The following FAM76A variants were observed in gnomAD, a reference collection of about 807,000 sequenced individuals.
The protein encoded by FAM76A is protein FAM76A.
A neutral mutation model predicts 46.2 loss-of-function variants in FAM76A; 32 were observed. The observed-to-expected ratio is 0.69, with a 90% CI of 0.52 to 0.93. FAM76A has a LOEUF of 0.93. Among genes scored for constraint, FAM76A ranks in the 40% least tolerant of loss-of-function variants. FAM76A has a pLI of 0.00. For missense variants in FAM76A, 274 were observed against 361.5 expected, an observed-to-expected ratio of 0.76 and a Z score of 1.96; for synonymous variants, 137 against 127.0, an observed-to-expected ratio of 1.08 and a Z score of -0.53.
chr1:27,731,902 A>G (rs1571467608), intron 2 of FAM76A, among the ~76,000 whole-genome samples: 1 of 151,786 alleles, frequency 6.6e-6, no homozygotes. Flanking sequence ...GCTTACTGCA[A>G]CCTCCGCCTC....
At chr1:27,731,685 AAGG>A (rs2087960406) in intron 2 of FAM76A, among the ~76,000 whole-genome samples, 1 of 152,184 alleles carries the variant, frequency 6.6e-6, no homozygotes, top group African/African-American at 2.4e-5. Context: ...CATCCGAATT[AAGG>A]AGAATTTATT....
intron 2 of FAM76A, among the ~76,000 whole-genome samples, chr1:27,729,261 G>A (rs889268205): frequency 6.6e-5 from 10 of 151,256 alleles, no homozygotes; most frequent in African/African-American, 2.2e-4. Flanking sequence ...AAGCTGGAGT[G>A]CAGTGAGATG....
At chr1:27,739,668 G>A (rs766879309) in intron 4 of FAM76A, among the ~76,000 whole-genome samples, 1 of 152,092 alleles carries the variant, frequency 6.6e-6, no homozygotes, top group Non-Finnish European at 1.5e-5. Flanking sequence ...CACGCCTGTA[G>A]TCTCGGCTAC....
chr1:27,737,868 CAAAAAA>C (rs71571865), intron 4 of FAM76A, among the ~76,000 whole-genome samples: 57 of 62,718 alleles, frequency 9.1e-4, no homozygotes, highest in African/African-American at 1.8e-3. Flanking sequence ...ACAACAACAA[CAAAAAA>C]AAAAAAAAAA....
intron 6 of FAM76A, among the ~76,000 whole-genome samples, chr1:27,751,907 G>A (rs11247675): frequency 5.3e-5 from 8 of 151,882 alleles, no homozygotes; most frequent in Non-Finnish European, 1.0e-4. Context: ...GGACTCAAAC[G>A]ATCCTCCCAC....
intron 2 of FAM76A, among the ~76,000 whole-genome samples, chr1:27,729,925 A>G (rs1411175324): frequency 2.0e-5 from 3 of 151,778 alleles, no homozygotes; most frequent in African/African-American, 2.4e-5. Flanking sequence ...CAATCCCCAC[A>G]CCCTTGCTTC....
intron 5 of FAM76A, 60 bp downstream of exon 5, chr1:27,744,871 C>A: frequency 1.3e-6 from 2 of 1,512,934 alleles, no homozygotes; most frequent in Non-Finnish European, 9.1e-7. Context: ...GTAATGCTCA[C>A]ATAACCATCA....
At chr1:27,751,218 A>G (rs773078871) in intron 6 of FAM76A, among the ~76,000 whole-genome samples, 3 of 152,218 alleles carry the variant, frequency 2.0e-5, no homozygotes, top group Non-Finnish European at 2.9e-5. Flanking sequence ...AGTAATTTAT[A>G]ATTTGAAAAT....
At chr1:27,737,751 C>T (rs1204700514) in intron 4 of FAM76A, among the ~76,000 whole-genome samples, 1 of 151,336 alleles carries the variant, frequency 6.6e-6, no homozygotes, top group Non-Finnish European at 1.5e-5. Context: ...ACTCAGCAGG[C>T]TGAGGTGGGA....
At chr1:27,738,689 C>CT (rs747079721) in intron 4 of FAM76A, among the ~76,000 whole-genome samples, 9 of 152,212 alleles carry the variant, frequency 5.9e-5, no homozygotes, top group Non-Finnish European at 1.0e-4. Flanking sequence ...TCTCACAGAG[C>CT]TTACATTTAT....
At chr1:27,743,991 G>C (rs576658464) in intron 4 of FAM76A, among the ~76,000 whole-genome samples, 1 of 151,958 alleles carries the variant, frequency 6.6e-6, no homozygotes, top group South Asian at 2.1e-4. Context: ...TTCATCTTCT[G>C]TCTTCTCTTC....
rs2148566975 is a variant in FAM76A at position 27,732,592 on chromosome 1, T to G, written c.147-11T>G. The G allele has an allele frequency of 6.2e-7, 1 of 1,603,910 alleles. No individual in the cohort carries two copies. The highest frequency in any genetic ancestry group is 2.2e-5 in the East Asian group (1 of 44,734). On this transcript the variant is annotated splice_polypyrimidine_tract_variant and intron_variant, in intron 2 of 8. Transcript: ENST00000373954. ...TCTAAGAAAAGCCTGTGTCTCTTTC[T>G]TCCTTAACAGTAAAACCAATACAAT...
chr1:27,743,781 C>T (rs79998623), intron 4 of FAM76A, among the ~76,000 whole-genome samples: 17,879 of 150,822 alleles, frequency 0.12, 2,549 homozygotes, highest in African/African-American at 0.33. Flanking sequence ...AAAAAAAAAA[C>T]GAACACCTGA....
chr1:27,751,960 C>T (rs895604311), intron 6 of FAM76A, among the ~76,000 whole-genome samples: 3 of 152,108 alleles, frequency 2.0e-5, no homozygotes, highest in Non-Finnish European at 4.4e-5. Context: ...CATGCCTCCA[C>T]ACTCGGCTAA....
intron 3 of FAM76A, among the ~76,000 whole-genome samples, chr1:27,733,815 A>G (rs942257912): frequency 6.6e-6 from 1 of 152,090 alleles, no homozygotes; most frequent in Non-Finnish European, 1.5e-5. Context: ...GCGCCACTGC[A>G]CTCCAGCCTG....
chr1:27,736,459 A>G (rs1016116092), intron 4 of FAM76A, among the ~76,000 whole-genome samples: 2 of 152,230 alleles, frequency 1.3e-5, no homozygotes, highest in Non-Finnish European at 2.9e-5. Flanking sequence ...AAAGGGGATG[A>G]TCAGATCTTA....
Position 27,732,650 on chromosome 1 carries a change from A to G in FAM76A, c.194A>G (p.Tyr65Cys). Residue 65 changes from tyrosine to cysteine, a missense_variant, in exon 3 of 9, where the codon TAT (tyrosine) becomes TGT (cysteine). Transcript: ENST00000373954. ...CKKCAQNVQL[Y>C]GTPKPCQYCN... Reference sequence around the variant, plus strand: ...AAATGTGCTCAGAACGTGCAGTTGTATGGAACGGTAAGTAGGATATTTTCA... The same window carrying G: ...AAATGTGCTCAGAACGTGCAGTTGTGTGGAACGGTAAGTAGGATATTTTCA... 1 of 1,607,804 alleles carries G rather than the reference A, an allele frequency of 6.2e-7. No homozygotes were observed. The highest frequency in any genetic ancestry group is 8.5e-7 in the Non-Finnish European group (1 of 1,175,226).
At chr1:27,759,719 C>CTT in intron 8 of FAM76A, 92 bp downstream of exon 8, 2 of 776,754 alleles carry the variant, frequency 2.6e-6, no homozygotes, top group East Asian at 3.2e-5. Context: ...TCTTAGATTT[C>CTT]TTTTTTTTCT....
Position 27,726,158 on chromosome 1 carries a change from C to G in FAM76A, c.78C>G (p.Cys26Trp). ...CGCTGTCTCAGGGGCAGCAGCTGTG[C>G]AAGGTGCGCGGGCTGGGGCGGCGGC... is the stretch of plus-strand genomic sequence containing the variant. The part of the protein sequence containing the change: ...FEALSQGQQL[C>W]KECRIAHPVV... Residue 26 changes from cysteine to tryptophan, a missense_variant, in exon 1 of 9, where the codon TGC becomes TGG. Coordinates refer to ENST00000373954, the MANE Select transcript of FAM76A (RefSeq NM_152660.3). 1 of 1,289,738 alleles carries G rather than the reference C, an allele frequency of 7.8e-7. No homozygotes were observed. The highest frequency in any genetic ancestry group is 9.8e-7 in the Non-Finnish European group (1 of 1,016,144). The allele number at this position is 1,289,738 out of a possible 1,614,324, so 79.9% of individuals were successfully genotyped here.
Sources: allele counts gnomAD v4.1 joint callset (sites outside exome capture counted in the v4.1 genomes callset), GRCh38; gene constraint gnomAD v4.1.1; transcripts MANE v1.5; gene names NCBI Gene and HGNC (gene_info 2026-07-23, HGNC 2026-07-21).